The following IQCM variants were observed in gnomAD, a reference collection of about 807,000 sequenced individuals.
IQCM encodes the protein IQ motif containing M, also known as IQ domain-containing protein M.
IQCM carries 45 observed loss-of-function variants against 57.6 expected under a neutral mutation model. The observed-to-expected ratio is 0.78, with a 90% CI of 0.62 to 1.00. The LOEUF (loss-of-function observed/expected upper bound fraction) is 1.00, where lower values mean the gene tolerates loss of function less well. IQCM is among the 50% of genes least tolerant of loss of function. The pLI is 0.00. For missense variants in IQCM, 468 were observed against 511.6 expected (o/e 0.91, Z 0.82); for synonymous variants, 148 against 158.9 (o/e 0.93, Z 0.51).
At chr4:149,424,645 T>A (rs1734342611) in intron 13 of IQCM, among the ~76,000 whole-genome samples, 1 of 151,858 alleles carries the variant, frequency 6.6e-6, no homozygotes, top group East Asian at 1.9e-4. Flanking sequence ...TATTCTGTGA[T>A]CTTTTTTCAT....
chr4:149,379,061 T>C (rs1730892995), intron 13 of IQCM, among the ~76,000 whole-genome samples: 1 of 152,150 alleles, frequency 6.6e-6, no homozygotes, highest in African/African-American at 2.4e-5. Context: ...TTCCATGTGG[T>C]GTTGAGCCTG....
chr4:149,608,770 T>C (rs1755017393), intron 8 of IQCM, among the ~76,000 whole-genome samples: 1 of 151,666 alleles, frequency 6.6e-6, no homozygotes, highest in South Asian at 2.1e-4. Context: ...AAGCATTGAA[T>C]GAAATTTATA....
At chr4:149,467,072 A>T (rs548201771) in intron 12 of IQCM, among the ~76,000 whole-genome samples, 2 of 152,298 alleles carry the variant, frequency 1.3e-5, no homozygotes, top group East Asian at 3.9e-4. Flanking sequence ...ATATTTTCAG[A>T]CCATAGCACA....
intron 9 of IQCM, among the ~76,000 whole-genome samples, chr4:149,580,668 T>A (rs1206215788): frequency 6.6e-6 from 1 of 151,682 alleles, no homozygotes; most frequent in Non-Finnish European, 1.5e-5. Context: ...GACTGCATCA[T>A]TAATAACTGA....
intron 5 of IQCM, among the ~76,000 whole-genome samples, chr4:149,727,004 C>T (rs1766007558): frequency 6.6e-6 from 1 of 152,084 alleles, no homozygotes; most frequent in Non-Finnish European, 1.5e-5. Context: ...TCCGCCTCGG[C>T]CTCCCAAAGT....
intron 5 of IQCM, among the ~76,000 whole-genome samples, chr4:149,731,893 C>CT (rs1451604555): frequency 1.3e-5 from 2 of 152,068 alleles, no homozygotes; most frequent in Non-Finnish European, 2.9e-5. Flanking sequence ...CCAAAGAACC[C>CT]TTTGTCAGGT....
intron 12 of IQCM, among the ~76,000 whole-genome samples, chr4:149,477,182 G>A (rs1740291791): frequency 6.6e-6 from 1 of 152,084 alleles, no homozygotes; most frequent in South Asian, 2.1e-4. Context: ...AAAACTAAAG[G>A]TCCAAATGCC....
At chr4:149,784,930 T>C (rs1580292230) in intron 2 of IQCM, among the ~76,000 whole-genome samples, 1 of 152,162 alleles carries the variant, frequency 6.6e-6, no homozygotes, top group Non-Finnish European at 1.5e-5. Context: ...AACAAATGAA[T>C]AAATGAATAG....
intron 9 of IQCM, among the ~76,000 whole-genome samples, chr4:149,568,193 C>T (rs773119306): frequency 9.9e-5 from 15 of 152,068 alleles, no homozygotes; most frequent in Non-Finnish European, 1.8e-4. Context: ...CACAGGAGAC[C>T]GCTACTCCTT....
intron 12 of IQCM, among the ~76,000 whole-genome samples, chr4:149,494,700 A>G (rs866997337): frequency 1.3e-5 from 2 of 152,124 alleles, no homozygotes; most frequent in Admixed American, 6.6e-5. Flanking sequence ...ACAAATGCCA[A>G]TGGAGGTGGA....
At chr4:149,574,277 A>G (rs538046377) in intron 9 of IQCM, among the ~76,000 whole-genome samples, 3 of 151,966 alleles carry the variant, frequency 2.0e-5, no homozygotes, top group Non-Finnish European at 4.4e-5. Flanking sequence ...TTTGATATGG[A>G]GCAAATTGTC....
chr4:149,660,776 G>A (rs545702083), intron 7 of IQCM, among the ~76,000 whole-genome samples: 22 of 150,942 alleles, frequency 1.5e-4, no homozygotes, highest in Admixed American at 9.9e-4. Flanking sequence ...GGTGGGAACC[G>A]AACAATGAGA....
At chr4:149,512,906 T>C (rs2149813072) in intron 12 of IQCM, among the ~76,000 whole-genome samples, 1 of 152,306 alleles carries the variant, frequency 6.6e-6, no homozygotes, top group Non-Finnish European at 1.5e-5. Flanking sequence ...TTAATCTAAG[T>C]TTACAATGTC....
chr4:149,700,415 A>G (rs2149811879), intron 5 of IQCM, among the ~76,000 whole-genome samples: 1 of 151,814 alleles, frequency 6.6e-6, no homozygotes, highest in Non-Finnish European at 1.5e-5. Context: ...CCCCCCACAC[A>G]TACACACATG....
chr4:149,744,096 T>G (rs1259003133), intron 2 of IQCM, among the ~76,000 whole-genome samples: 1 of 152,212 alleles, frequency 6.6e-6, no homozygotes, highest in Admixed American at 6.5e-5. Flanking sequence ...CCTCATGCTC[T>G]TAGATAAAAG....
At chr4:149,393,329 G>A (rs1172197366) in intron 13 of IQCM, among the ~76,000 whole-genome samples, 1 of 151,740 alleles carries the variant, frequency 6.6e-6, no homozygotes, top group East Asian at 1.9e-4. Context: ...GAGGAGAAAT[G>A]AGCAAGCCAT....
chr4:149,441,159 A>C (rs1735903988), intron 12 of IQCM, among the ~76,000 whole-genome samples: 2 of 152,186 alleles, frequency 1.3e-5, no homozygotes, highest in African/African-American at 4.8e-5. Flanking sequence ...GAAGCATGAA[A>C]ATTCCTACAA....
intron 7 of IQCM, among the ~76,000 whole-genome samples, chr4:149,671,095 G>T (rs574017463): frequency 6.6e-6 from 1 of 152,222 alleles, no homozygotes; most frequent in South Asian, 2.1e-4. Flanking sequence ...GGTGGAATTT[G>T]ACTGTGAATC....
intron 7 of IQCM, among the ~76,000 whole-genome samples, chr4:149,647,682 T>G (rs911005991): frequency 6.6e-6 from 1 of 152,122 alleles, no homozygotes; most frequent in Admixed American, 6.5e-5. Flanking sequence ...TCTTTTTATT[T>G]GGTTTTCTTC....
Sources: gnomAD v4.1 joint callset for allele counts (sites outside exome capture counted in the v4.1 genomes callset) on GRCh38, gnomAD v4.1.1 for gene constraint, MANE v1.5 for transcripts, NCBI Gene and HGNC (gene_info 2026-07-23, HGNC 2026-07-21) for gene names.